Variants in FGF14 observed in about 807,000 individuals in gnomAD.
The protein encoded by FGF14 is fibroblast growth factor homologous factor 4.
Under a neutral mutation model 25.5 loss-of-function variants are expected in FGF14, and 5 were observed. The observed-to-expected ratio is 0.20, with a 90% CI of 0.10 to 0.41. The LOEUF is 0.41. Ranked by LOEUF, FGF14 falls within the 10% of genes least tolerant of loss-of-function variation. FGF14 has a pLI of 1.00. For missense variants in FGF14, 222 were observed against 320.1 expected (o/e 0.69, Z 2.34); for synonymous variants, 138 against 118.3 (o/e 1.17, Z -1.08).
chr13:102,399,773 A>C (rs931763251), intron 1 of FGF14, among the ~76,000 whole-genome samples: 2 of 151,994 alleles, frequency 1.3e-5, no homozygotes, highest in African/African-American at 2.4e-5. Flanking sequence ...AGGAGGAGGA[A>C]ACAGATGGGG....
intron 1 of FGF14, among the ~76,000 whole-genome samples, chr13:102,023,077 C>CAG (rs1305929496): frequency 6.8e-6 from 1 of 146,448 alleles, no homozygotes; most frequent in East Asian, 2.0e-4. Context: ...CACACACACA[C>CAG]AGCCAACAGC....
At chr13:101,937,892 C>T (rs1265597560) in intron 1 of FGF14, among the ~76,000 whole-genome samples, 21 of 152,122 alleles carry the variant, frequency 1.4e-4, no homozygotes, top group Admixed American at 1.3e-3. Context: ...GGCACCGTGC[C>T]CAGCCCATTT....
At chr13:102,119,061 G>A (rs906138393) in intron 1 of FGF14, among the ~76,000 whole-genome samples, 3 of 152,124 alleles carry the variant, frequency 2.0e-5, no homozygotes, top group Non-Finnish European at 4.4e-5. Context: ...CTTTATAACA[G>A]GGGGATCTGT....
At chr13:102,275,329 T>C (rs2053483793) in intron 1 of FGF14, among the ~76,000 whole-genome samples, 2 of 151,226 alleles carry the variant, frequency 1.3e-5, no homozygotes, top group Non-Finnish European at 2.9e-5. Context: ...GTTTTGGTAT[T>C]TTTATAAATT....
intron 1 of FGF14, among the ~76,000 whole-genome samples, chr13:102,350,669 A>C (rs9518709): frequency 1 from 152,286 of 152,292 alleles, 76,140 homozygotes; most frequent in Middle Eastern, 1. Context: ...CAGGAAGGGG[A>C]TGACCAGTCA....
chr13:102,154,264 G>A (rs945413351), intron 1 of FGF14, among the ~76,000 whole-genome samples: 2 of 151,998 alleles, frequency 1.3e-5, no homozygotes, highest in African/African-American at 2.4e-5. Flanking sequence ...AGCAGCCAGA[G>A]AGAAAAGTTG....
chr13:101,712,893 T>A lies in FGF14; in HGVS notation c.*9938A>T, dbSNP rs1459978749. 1 of 152,194 alleles carries A rather than the reference T, an allele frequency of 6.6e-6. No homozygotes were observed. The highest frequency in any genetic ancestry group is 1.5e-5 in the Non-Finnish European group (1 of 68,050). The allele number at this position is 152,194 out of a possible 1,614,324, so 9.4% of individuals were successfully genotyped here. A position where few individuals can be genotyped will look rare whatever the true frequency, so the allele number is the denominator to read the frequency against. Reference sequence around the variant, plus strand: ...AACCAGCATCCTTTGCAGACTGACCTGGGAGCAGCAGCTCACTGGGTCCTG... The same window carrying A: ...AACCAGCATCCTTTGCAGACTGACCAGGGAGCAGCAGCTCACTGGGTCCTG... On this transcript the variant is annotated 3_prime_UTR_variant, in exon 5 of 5. Coordinates refer to ENST00000376143, the MANE Select transcript of FGF14 (RefSeq NM_004115.4).
At chr13:101,878,532 AT>A (rs905562728) in intron 1 of FGF14, among the ~76,000 whole-genome samples, 1 of 152,214 alleles carries the variant, frequency 6.6e-6, no homozygotes, top group Non-Finnish European at 1.5e-5. Flanking sequence ...GAAAAATCCC[AT>A]AGAGAGAATA....
At chr13:101,733,406 C>T (rs1489350075) in intron 3 of FGF14, among the ~76,000 whole-genome samples, 1 of 151,932 alleles carries the variant, frequency 6.6e-6, no homozygotes, top group Non-Finnish European at 1.5e-5. Flanking sequence ...ACCATCCTGG[C>T]CAACATGGTG....
chr13:101,943,824 A>ATATATAT (rs553788083), intron 1 of FGF14, among the ~76,000 whole-genome samples: 10 of 126,944 alleles, frequency 7.9e-5, no homozygotes, highest in African/African-American at 3.3e-4. Context: ...AAAAAAAAAA[A>ATATATAT]AAATATATAT....
rs1218918567 is a variant in FGF14 at position 102,311,028 on chromosome 13, TTACACACACA to T, written c.208+90433_208+90442del. Among the ~76,000 whole-genome samples, 4 of 151,684 alleles carry T rather than the reference TTACACACACA, an allele frequency of 2.6e-5. No individual in the cohort carries two copies. In the South Asian group the frequency reaches 6.3e-4, roughly 24 times the overall value. On this transcript the variant is annotated intron_variant, in intron 1 of 4. Transcript: ENST00000376131. ...CCATATGGCCCACTTGCATCAAAAT[TTACACACACA>T]TACACACACACACACACAATTTAAA...
At chr13:102,381,005 T>G (rs1245020653) in intron 1 of FGF14, among the ~76,000 whole-genome samples, 2 of 152,204 alleles carry the variant, frequency 1.3e-5, no homozygotes, top group Non-Finnish European at 2.9e-5. Flanking sequence ...CAGTCTACCT[T>G]AAACATGTTC....
At chr13:101,756,518 A>G (rs543781385) in intron 3 of FGF14, among the ~76,000 whole-genome samples, 5 of 152,132 alleles carry the variant, frequency 3.3e-5, no homozygotes, top group Admixed American at 6.6e-5. Context: ...GCGGATCACG[A>G]GGTCAGGAGA....
chr13:102,318,790 G>A (rs2056132011), intron 1 of FGF14, among the ~76,000 whole-genome samples: 1 of 152,150 alleles, frequency 6.6e-6, no homozygotes, highest in Non-Finnish European at 1.5e-5. Flanking sequence ...ACATAAATTT[G>A]AGGGGGGCAC....
In FGF14 at chr13:101,712,886, A is replaced by G. The variant is rs1389358454; in HGVS notation, c.*9945T>C. On this transcript the variant is annotated 3_prime_UTR_variant, in exon 5 of 5. Transcript: ENST00000376143. ...ACAAGGGAACCAGCATCCTTTGCAG[A>G]CTGACCTGGGAGCAGCAGCTCACTG... 6.6e-6 allele frequency: 1 copy of G among 152,180 alleles called. No individual in the cohort carries two copies. The highest frequency in any genetic ancestry group is 1.5e-5 in the Non-Finnish European group (1 of 68,032). The allele number at this position is 152,180 out of a possible 1,614,324, so 9.4% of individuals were successfully genotyped here.
chr13:102,112,924 C>T lies in FGF14; in HGVS notation c.209-237628G>A, dbSNP rs143439218. ...GGTTCAGTATTCCAAAGATTGGGGA[C>T]ATAATGCACTCTAAGACATAGTTCT... On this transcript the variant is annotated intron_variant, in intron 1 of 4. Coordinates refer to the FGF14 transcript ENST00000376131. 4.2e-3 allele frequency among the ~76,000 whole-genome samples: 643 copies of T among 152,190 alleles called. 3 individuals carry two copies. The highest frequency in any genetic ancestry group is 0.015 in the African/African-American group (603 of 41,526).
intron 3 of FGF14, among the ~76,000 whole-genome samples, chr13:101,822,941 T>C (rs1023332247): frequency 9.9e-5 from 15 of 151,696 alleles, no homozygotes; most frequent in Non-Finnish European, 1.8e-4. Flanking sequence ...CCACATTAGA[T>C]TTTTTTTTAA....
At chr13:102,041,348 G>C (rs2041726184) in intron 1 of FGF14, among the ~76,000 whole-genome samples, 1 of 151,440 alleles carries the variant, frequency 6.6e-6, no homozygotes, top group Non-Finnish European at 1.5e-5. Context: ...AAAAATGGGA[G>C]TGTAATTAGT....
chr13:101,907,152 T>C (rs1333343040), intron 1 of FGF14, among the ~76,000 whole-genome samples: 1 of 152,070 alleles, frequency 6.6e-6, no homozygotes, highest in African/African-American at 2.4e-5. Flanking sequence ...TTCATCTTCT[T>C]CTGTTTTATA....
Sources: allele counts gnomAD v4.1 joint callset (sites outside exome capture counted in the v4.1 genomes callset), GRCh38; gene constraint gnomAD v4.1.1; transcripts MANE v1.5; gene names NCBI Gene and HGNC (gene_info 2026-07-23, HGNC 2026-07-21).